Variants in FRMPD4 observed in about 807,000 individuals in gnomAD.
FRMPD4 encodes FERM and PDZ domain-containing protein 4.
In FRMPD4, 22 loss-of-function variants were observed where a neutral mutation model predicts 94.1. That is an observed-to-expected ratio of 0.23 (90% confidence interval 0.17 to 0.33). The LOEUF (loss-of-function observed/expected upper bound fraction) is 0.33, where lower values mean the gene tolerates loss of function less well. Among genes scored for constraint, FRMPD4 ranks in the 10% least tolerant of loss-of-function variants. The probability of loss-of-function intolerance (pLI) is 1.00; values close to 1 mark genes in which losing one functional copy is unlikely to be tolerated. For synonymous variants in FRMPD4, 631 were observed against 548.6 expected (o/e 1.15, Z -2.10); for missense variants, 1,111 against 1,339.9 (o/e 0.83, Z 2.67).
intron 1 of FRMPD4, among the ~76,000 whole-genome samples, chrX:12,220,065 C>A (rs888516663): frequency 3.6e-5 from 4 of 111,836 alleles, no homozygotes; most frequent in African/African-American, 1.3e-4. Context: ...TGTTTGAACC[C>A]AGGAGGCGGA....
chrX:12,481,529 G>A (rs73438723), intron 1 of FRMPD4, among the ~76,000 whole-genome samples: 1,893 of 110,987 alleles, frequency 0.017, 43 homozygotes, highest in African/African-American at 0.058. Context: ...AACTATGAAC[G>A]GCCTACTGTT....
intron 1 of FRMPD4, among the ~76,000 whole-genome samples, chrX:12,429,182 T>C (rs2056985312): frequency 8.9e-6 from 1 of 111,733 alleles, no homozygotes; most frequent in South Asian, 3.8e-4. Context: ...TTCAGTATGC[T>C]GACTTCCACA....
chrX:11,868,901 G>C (rs1038403058), intron 2 of FRMPD4, among the ~76,000 whole-genome samples: 1 of 112,499 alleles, frequency 8.9e-6, no homozygotes, highest in African/African-American at 3.2e-5. Flanking sequence ...GAATGGCTGT[G>C]AGAGACTATA....
Position 12,416,001 on chromosome X carries a change from G to C in FRMPD4, c.42-82679G>C, listed in dbSNP as rs1040799702. On this transcript the variant is annotated intron_variant, in intron 1 of 16. Transcript: ENST00000675598. Reference sequence around the variant, plus strand: ...GCAGCACATAAGATAATTTTAAAGTGAAAGAACTAGTCCGTCTCCTGCAAA... The same window carrying C: ...GCAGCACATAAGATAATTTTAAAGTCAAAGAACTAGTCCGTCTCCTGCAAA... 4.5e-5 allele frequency among the ~76,000 whole-genome samples: 5 copies of C among 112,229 alleles called. No homozygotes were observed. In the Admixed American group the frequency reaches 4.7e-4, roughly 11 times the overall value.
chrX:11,830,704 C>CAT (rs1225732630), intron 1 of FRMPD4, among the ~76,000 whole-genome samples: 1 of 111,808 alleles, frequency 8.9e-6, no homozygotes, highest in African/African-American at 3.2e-5. Flanking sequence ...AATATTGACT[C>CAT]AATCTGTGTT....
At chrX:12,278,381 A>C (rs2054474510) in intron 1 of FRMPD4, among the ~76,000 whole-genome samples, 1 of 111,618 alleles carries the variant, frequency 9.0e-6, no homozygotes, top group African/African-American at 3.3e-5. Flanking sequence ...TCTTTTCCCA[A>C]CTGGCTTCTC....
chrX:12,128,171 C>T (rs1402103466), intron 3 of FRMPD4, among the ~76,000 whole-genome samples: 5 of 113,249 alleles, frequency 4.4e-5, no homozygotes, highest in East Asian at 2.8e-4. Flanking sequence ...TCCACACTGC[C>T]GTAGCAGTGG....
rs1412840166 is a variant in FRMPD4, at chrX:12,718,373, G to T, written c.3547G>T (p.Ala1183Ser). The T allele has an allele frequency of 8.3e-7, 1 of 1,210,329 alleles. No homozygotes were observed. The highest frequency in any genetic ancestry group is 3.0e-5 in the East Asian group (1 of 33,747). ...CGACCATCCTTCCAAGCTTCCTGAG[G>T]CTGATGAGAGTGTGGCCCGCCTTTG... is the stretch of plus-strand genomic sequence containing the variant. ...TCDHPSKLPE[A>S]DESVARLCDY... is the part of the protein sequence containing the mutation. The change falls in exon 16 of 17, where the codon GCT (alanine) becomes TCT (serine). Residue 1183 changes from alanine (A) to serine (S), a missense_variant. Ala to Ser is a moderately conservative substitution (Grantham distance 99). Around this residue, in one of 8 missense-constraint regions of FRMPD4, gnomAD observed 551 missense variants for 591.6 expected, o/e 0.93. Transcript: ENST00000675598.
At chrX:12,501,010 G>A (rs1428100856) in intron 2 of FRMPD4, among the ~76,000 whole-genome samples, 2 of 112,023 alleles carry the variant, frequency 1.8e-5, no homozygotes, top group Non-Finnish European at 3.8e-5. Context: ...GGTTGGATTT[G>A]GGTTCCCATA....
intron 2 of FRMPD4, among the ~76,000 whole-genome samples, chrX:12,597,958 C>T (rs1382261771): frequency 3.6e-5 from 4 of 111,779 alleles, no homozygotes; most frequent in African/African-American, 6.5e-5. Context: ...TTTCAAGGTC[C>T]GTATGTGGAA....
chrX:12,197,796 A>G (rs1569188200), intron 1 of FRMPD4, among the ~76,000 whole-genome samples: 1 of 112,348 alleles, frequency 8.9e-6, no homozygotes, highest in Non-Finnish European at 1.9e-5. Flanking sequence ...ACTTGTGACA[A>G]CATAATTAAA....
chrX:12,676,990 T>C (rs1404806353), intron 5 of FRMPD4, among the ~76,000 whole-genome samples: 1 of 111,857 alleles, frequency 8.9e-6, no homozygotes, highest in Non-Finnish European at 1.9e-5. Flanking sequence ...CACCACCTCC[T>C]CGGCCTCGCT....
At chrX:11,970,181 C>T (rs1009626439) in intron 3 of FRMPD4, among the ~76,000 whole-genome samples, 1 of 112,188 alleles carries the variant, frequency 8.9e-6, no homozygotes, top group African/African-American at 3.2e-5. Flanking sequence ...TTCTGCATTT[C>T]CTTTTCAACT....
chrX:12,528,220 G>A (rs1296550054), intron 2 of FRMPD4, among the ~76,000 whole-genome samples: 4 of 110,563 alleles, frequency 3.6e-5, no homozygotes, highest in Admixed American at 1.9e-4. Flanking sequence ...CAGGATATCA[G>A]AGATAAGACA....
intron 1 of FRMPD4, among the ~76,000 whole-genome samples, chrX:12,391,578 G>C (rs1183975335): frequency 1.8e-5 from 2 of 111,738 alleles, no homozygotes; most frequent in African/African-American, 6.5e-5. Flanking sequence ...TTAGAAATGA[G>C]AAAACTGAGC....
intron 3 of FRMPD4, among the ~76,000 whole-genome samples, chrX:12,085,234 G>A (rs2055097931): frequency 8.9e-6 from 1 of 112,229 alleles, no homozygotes; most frequent in African/African-American, 3.2e-5. Flanking sequence ...CTAAACATGT[G>A]TATTTCTATT....
intron 2 of FRMPD4, among the ~76,000 whole-genome samples, chrX:12,579,160 A>G (rs759314363): frequency 4.4e-5 from 5 of 112,386 alleles, no homozygotes; most frequent in Non-Finnish European, 3.8e-5. Context: ...GAAAAAATCT[A>G]TGTAGCTCTG....
At chrX:12,720,462 G>C in intron 16 of FRMPD4, 72 bp from the exon 17 acceptor site, 2 of 1,029,356 alleles carry the variant, frequency 1.9e-6, no homozygotes, top group Non-Finnish European at 2.7e-6. Flanking sequence ...ACATCATGTA[G>C]AGATGTAGTA....
intron 2 of FRMPD4, among the ~76,000 whole-genome samples, chrX:12,551,956 A>C (rs1228135335): frequency 8.9e-6 from 1 of 111,840 alleles, no homozygotes; most frequent in Non-Finnish European, 1.9e-5. Context: ...CATTGACTAC[A>C]GTTTGTATGA....
Sources: gnomAD v4.1 joint callset for allele counts (sites outside exome capture counted in the v4.1 genomes callset) on GRCh38, gnomAD v4.1.1 for gene constraint, gnomAD v4.1.1 regional missense constraint, MANE v1.5 for transcripts, NCBI Gene and HGNC (gene_info 2026-07-23, HGNC 2026-07-21) for gene names.